Variants in GALNTL6 observed in about 807,000 individuals in gnomAD.
GALNTL6 encodes the protein polypeptide N-acetylgalactosaminyltransferase-like 6.
GALNTL6 carries 46 observed loss-of-function variants against 73.7 expected under a neutral mutation model. The observed-to-expected ratio is 0.62, with a 90% CI of 0.49 to 0.80. GALNTL6 has a LOEUF of 0.80. GALNTL6 is among the 30% of genes least tolerant of loss of function. The pLI is 0.00. For missense variants in GALNTL6, 604 were observed against 755.0 expected (o/e 0.80, Z 2.34); for synonymous variants, 259 against 263.7 (o/e 0.98, Z 0.17).
At chr4:172,448,810 T>G (rs1308530248) in intron 5 of GALNTL6, among the ~76,000 whole-genome samples, 1 of 151,264 alleles carries the variant, frequency 6.6e-6, no homozygotes, top group Non-Finnish European at 1.5e-5. Context: ...AAAGTGGGAG[T>G]TTTTCTGATG....
At chr4:171,942,066 G>A (rs946225931) in intron 2 of GALNTL6, among the ~76,000 whole-genome samples, 9 of 151,800 alleles carry the variant, frequency 5.9e-5, no homozygotes, top group African/African-American at 1.7e-4. Flanking sequence ...ATGCTATAGC[G>A]ATTTTAACAC....
At chr4:172,851,456 G>A (rs11942968) in intron 7 of GALNTL6, among the ~76,000 whole-genome samples, 85 of 150,422 alleles carry the variant, frequency 5.7e-4, no homozygotes, top group African/African-American at 1.6e-3. Context: ...TATATATCAC[G>A]CATATATACA....
intron 5 of GALNTL6, among the ~76,000 whole-genome samples, chr4:172,592,982 G>A: frequency 6.6e-6 from 1 of 151,816 alleles, no homozygotes; most frequent in East Asian, 1.9e-4. Context: ...TGAGCACCTT[G>A]AGTCTAATTC....
Position 172,348,545 on chromosome 4 carries a change from G to A in GALNTL6, c.409G>A (p.Glu137Lys). 6.2e-7 allele frequency: 1 copy of A among 1,612,324 alleles called. No homozygotes were observed. Among genetic ancestry groups the A allele is most frequent in the Non-Finnish European group, 8.5e-7 (1 of 1,178,946 alleles). The change falls in exon 5 of 13, where the codon GAA becomes AAA. Residue 137 changes from glutamate to lysine, a missense_variant. Physicochemically the swap from Glu to Lys is moderately conservative, Grantham distance 56 (BLOSUM62 1). Coordinates refer to ENST00000506823, the MANE Select transcript of GALNTL6 (RefSeq NM_001034845.3). ...HANCKHKMYL[E>K]RLPNTSIIIP... ...CAGCTGTAAGCATAAGATGTATCTG[G>A]AAAGGCTGCCAAACACCAGCATCAT... is the stretch of plus-strand genomic sequence containing the variant.
intron 5 of GALNTL6, among the ~76,000 whole-genome samples, chr4:172,533,264 C>T (rs1735229581): frequency 6.7e-6 from 1 of 148,576 alleles, no homozygotes; most frequent in African/African-American, 2.5e-5. Context: ...CCACCCACGT[C>T]AGCATCCCAA....
chr4:172,755,043 T>C (rs1737665277), intron 5 of GALNTL6, among the ~76,000 whole-genome samples: 1 of 152,134 alleles, frequency 6.6e-6, no homozygotes, highest in Non-Finnish European at 1.5e-5. Flanking sequence ...GAGCCTGCAC[T>C]AGAGTCCATT....
chr4:172,968,947 A>C (rs992526956), intron 10 of GALNTL6, among the ~76,000 whole-genome samples: 2 of 152,226 alleles, frequency 1.3e-5, no homozygotes, highest in African/African-American at 4.8e-5. Context: ...AAAGATAAGA[A>C]TTAATCAAAT....
At chr4:172,931,063 G>T in intron 8 of GALNTL6, 98 bp from the exon 9 acceptor site, 1 of 736,678 alleles carries the variant, frequency 1.4e-6, no homozygotes, top group Non-Finnish European at 2.5e-6. Context: ...TTGATTTAAA[G>T]ACTTTTAGAG....
rs1738101781 is a variant in GALNTL6 at position 172,761,661 on chromosome 4, T to TGC, written c.554-47699_554-47698dup. On this transcript the variant is annotated intron_variant, in intron 5 of 12. Coordinates refer to ENST00000506823, the MANE Select transcript of GALNTL6 (RefSeq NM_001034845.3). ...TTTAAAAGTGTGAGAGCTTCGCCCT[T>TGC]GCTCTCTTTCTCTCTCTCTCTCTCT... is the stretch of plus-strand genomic sequence containing the variant. 4.2e-5 allele frequency among the ~76,000 whole-genome samples: 3 copies of TGC among 71,548 alleles called. No individual in the cohort carries two copies. In the Admixed American group the frequency reaches 4.5e-4, roughly 11 times the overall value. The allele number at this position is 71,548 out of a possible 152,430, so 46.9% of individuals were successfully genotyped here. A position where few individuals can be genotyped will look rare whatever the true frequency, so the allele number is the denominator to read the frequency against.
Position 172,524,696 on chromosome 4 carries a change from C to T in GALNTL6, c.553+176007C>T, listed in dbSNP as rs151134144. On this transcript the variant is annotated intron_variant, in intron 5 of 12. Transcript: ENST00000506823. ...AATATAAGCCTTTGTTAAATATATA[C>T]GGTGCTAATATCTTCTTCCAGTTTT... 3.4e-4 allele frequency among the ~76,000 whole-genome samples: 52 copies of T among 152,250 alleles called. 1 individual carries two copies. In the East Asian group the frequency reaches 9.8e-3, roughly 29 times the overall value.
chr4:172,746,100 G>A (rs775708111), intron 5 of GALNTL6, among the ~76,000 whole-genome samples: 23 of 152,054 alleles, frequency 1.5e-4, no homozygotes, highest in African/African-American at 2.7e-4. Context: ...ATTGCTTGAG[G>A]AATAAGTGCC....
At chr4:172,758,426 C>A (rs918781497) in intron 5 of GALNTL6, among the ~76,000 whole-genome samples, 10 of 152,112 alleles carry the variant, frequency 6.6e-5, no homozygotes, top group African/African-American at 1.9e-4. Context: ...ATCCCAGCTA[C>A]TTGGGAGGCT....
intron 3 of GALNTL6, among the ~76,000 whole-genome samples, chr4:172,263,805 G>T (rs1738338166): frequency 6.6e-6 from 1 of 151,472 alleles, no homozygotes; most frequent in Non-Finnish European, 1.5e-5. Flanking sequence ...CTGGTGGGGT[G>T]GGGTGAGGAA....
chr4:172,541,168 G>T, intron 5 of GALNTL6, among the ~76,000 whole-genome samples: 1 of 152,126 alleles, frequency 6.6e-6, no homozygotes, highest in East Asian at 1.9e-4. Flanking sequence ...TTAATTTTTT[G>T]AAAACCCTGT....
At chr4:172,792,245 G>A (rs552553003) in intron 5 of GALNTL6, among the ~76,000 whole-genome samples, 5 of 152,234 alleles carry the variant, frequency 3.3e-5, no homozygotes, top group Non-Finnish European at 5.9e-5. Flanking sequence ...AGTATGTAAT[G>A]TATTGCTAGA....
In GALNTL6 at chr4:172,746,686, A is replaced by G. The variant is rs1212771439; in HGVS notation, c.554-62675A>G. On this transcript the variant is annotated intron_variant, in intron 5 of 12. Transcript: ENST00000506823. Reference sequence around the variant, plus strand: ...AAAAATTCAATAAATTAGGTATAAAAGGAATGCTCCTTAATATAACAGAGG... The same window carrying G: ...AAAAATTCAATAAATTAGGTATAAAGGGAATGCTCCTTAATATAACAGAGG... Among the ~76,000 whole-genome samples the G allele has an allele frequency of 2.6e-5, 4 of 152,256 alleles. No homozygotes were observed. In the East Asian group the frequency reaches 5.8e-4, roughly 22 times the overall value.
At chr4:172,398,430 A>T (rs1323807554) in intron 5 of GALNTL6, among the ~76,000 whole-genome samples, 2 of 152,162 alleles carry the variant, frequency 1.3e-5, no homozygotes, top group Admixed American at 1.3e-4. Flanking sequence ...TTCATATCTC[A>T]TTCAGGGCAT....
At chr4:172,856,413 T>C (rs751321873) in intron 7 of GALNTL6, among the ~76,000 whole-genome samples, 15 of 152,246 alleles carry the variant, frequency 9.9e-5, no homozygotes, top group Non-Finnish European at 5.9e-5. Flanking sequence ...CATCTCATTA[T>C]ATGGGTACTT....
chr4:171,826,515 C>T (rs1020693927), intron 2 of GALNTL6, among the ~76,000 whole-genome samples: 1 of 152,092 alleles, frequency 6.6e-6, no homozygotes, highest in East Asian at 1.9e-4. Context: ...GAGGTTTCTC[C>T]CCCTATTGGA....
Sources: gnomAD v4.1 joint callset for allele counts (sites outside exome capture counted in the v4.1 genomes callset) on GRCh38, gnomAD v4.1.1 for gene constraint, MANE v1.5 for transcripts, NCBI Gene and HGNC (gene_info 2026-07-23, HGNC 2026-07-21) for gene names.